BRAP: variants seen among roughly 807,000 people sequenced by gnomAD.
BRAP encodes BRCA1-associated protein.
In BRAP, 42 loss-of-function variants were observed where a neutral mutation model predicts 73.4. That is an observed-to-expected ratio of 0.57 (90% CI 0.45 to 0.74). The LOEUF (loss-of-function observed/expected upper bound fraction) is 0.74, where lower values mean the gene tolerates loss of function less well. Ranked by LOEUF, BRAP falls within the 30% of genes least tolerant of loss-of-function variation. The probability of loss-of-function intolerance (pLI) is 0.00; values close to 1 mark genes in which losing one functional copy is unlikely to be tolerated. For missense variants in BRAP, 593 were observed against 751.4 expected (o/e 0.79, Z 2.46); for synonymous variants, 255 against 267.4 (o/e 0.95, Z 0.45).
In BRAP at chr12:111,685,654, G is replaced by A. The variant is rs1008007167; in HGVS notation, c.82+57C>T. On this transcript the variant is annotated intron_variant, in intron 1 of 11. Coordinates refer to ENST00000419234, the MANE Select transcript of BRAP (RefSeq NM_006768.5). ...TTCCCGGGCCAGTGCTTTGGGAAGG[G>A]AAGCCCTCCGGGCCCAGACCCGGCT... 3 of 1,551,336 alleles carry A rather than the reference G, an allele frequency of 1.9e-6. No individual in the cohort carries two copies. In the African/African-American group the frequency reaches 4.1e-5, roughly 21 times the overall value.
At chr12:111,677,338 T>C (rs1384099878) in intron 4 of BRAP, among the ~76,000 whole-genome samples, 3 of 152,198 alleles carry the variant, frequency 2.0e-5, no homozygotes, top group Non-Finnish European at 4.4e-5. Flanking sequence ...ACTGCTGTCA[T>C]AGAATGTCTC....
intron 1 of BRAP, among the ~76,000 whole-genome samples, chr12:111,684,681 T>G (rs952529645): frequency 1.3e-5 from 2 of 152,118 alleles, no homozygotes; most frequent in African/African-American, 4.8e-5. Context: ...TTTGTTTTTT[T>G]TTTTGAAATG....
intron 1 of BRAP, 98 bp downstream of exon 1, chr12:111,685,613 C>A: frequency 7.0e-7 from 1 of 1,423,162 alleles, no homozygotes; most frequent in Non-Finnish European, 9.2e-7. Context: ...TGGGCAACAG[C>A]CCTCGCCGCG....
At chr12:111,682,900 C>T in intron 2 of BRAP, among the ~76,000 whole-genome samples, 1 of 151,712 alleles carries the variant, frequency 6.6e-6, no homozygotes, top group East Asian at 1.9e-4. Flanking sequence ...CAACAGAGAC[C>T]CTGCCTCAAA....
chr12:111,682,219 C>T (rs116021823), intron 2 of BRAP, among the ~76,000 whole-genome samples: 6 of 152,248 alleles, frequency 3.9e-5, no homozygotes, highest in African/African-American at 1.2e-4. Flanking sequence ...CATCCACTTC[C>T]GCAGATAAAA....
At position 111,675,647 on chromosome 12, in the gene BRAP, C is replaced by G. The variant is rs975028813; in HGVS notation, c.634-2873G>C. Among the ~76,000 whole-genome samples the G allele has an allele frequency of 3.3e-5, 5 of 151,850 alleles. No homozygotes were observed. The South Asian group carries it at 1.0e-3, about 32-fold the overall frequency. On this transcript the variant is annotated intron_variant, in intron 4 of 11. Coordinates refer to ENST00000419234, the MANE Select transcript of BRAP (RefSeq NM_006768.5). ...AAACAGCTTTTATTGAAAATGTTTG[C>G]ATTGTGTGGACCCAAAACTTTAAAT...
rs1477654086 is a variant in BRAP at position 111,658,805 on chromosome 12, T to C, written c.1152A>G (p.Gly384=). Residue 384 remains glycine (G), a synonymous_variant, in exon 9 of 12, where the codon GGA becomes GGG. Coordinates refer to ENST00000419234, the MANE Select transcript of BRAP (RefSeq NM_006768.5). ...VHRLVASKTD[G]KIVQYECEGD... ...CCTCACATTCATACTGTACTATTTT[T>C]CCATCTGTTTTACTTGCAACCAGTC... 12 of 1,612,908 alleles carry C rather than the reference T, an allele frequency of 7.4e-6. No individual in the cohort carries two copies. The highest frequency in any genetic ancestry group is 1.0e-5 in the Non-Finnish European group (12 of 1,179,160).
intron 3 of BRAP, 59 bp from the exon 4 acceptor site, chr12:111,679,399 A>G (rs1201906667): frequency 8.3e-7 from 1 of 1,205,658 alleles, no homozygotes; most frequent in Non-Finnish European, 1.1e-6. Context: ...TTTAAACAAT[A>G]CTAGACAACT....
Position 111,644,441 on chromosome 12 carries a change from TCTC to T in BRAP, c.1534_1536del (p.Glu512del). On this transcript the variant is annotated inframe_deletion, in exon 12 of 12. Coordinates refer to ENST00000419234, the MANE Select transcript of BRAP (RefSeq NM_006768.5). ...TGGTCACAGGTCTCCTTCAGCACCC[TCTC>T]CTCCTCTTTTAGCTTGTTCTGCAGG... is the stretch of plus-strand genomic sequence containing the variant. The T allele has an allele frequency of 6.2e-7, 1 of 1,614,108 alleles. No homozygotes were observed. The highest frequency in any genetic ancestry group is 8.5e-7 in the Non-Finnish European group (1 of 1,180,022).
At chr12:111,676,732 G>C (rs145048982) in intron 4 of BRAP, among the ~76,000 whole-genome samples, 2 of 152,198 alleles carry the variant, frequency 1.3e-5, no homozygotes, top group African/African-American at 2.4e-5. Context: ...GCATCGTTGA[G>C]AGGATTCAAG....
At position 111,681,767 on chromosome 12, in the gene BRAP, C is replaced by T; in HGVS notation, c.313G>A (p.Asp105Asn). Residue 105 changes from aspartate (D) to asparagine (N), a missense_variant, in exon 3 of 12, where the codon GAT (aspartate) becomes AAT (asparagine). Asp to Asn is a conservative substitution (Grantham distance 23). Around this residue, in one of 4 missense-constraint regions of BRAP, gnomAD observed 304 missense variants for 337.7 expected, o/e 0.90. Coordinates refer to ENST00000419234, the MANE Select transcript of BRAP (RefSeq NM_006768.5). ...EASPTAQRSK[D>N]HSKECINAAP... ...GCGTTTATGCATTCCTTACTGTGATCTTTACTTCTTTGCGCAGTGGGGGAG... is the reference window on the plus strand; with the variant it reads ...GCGTTTATGCATTCCTTACTGTGATTTTTACTTCTTTGCGCAGTGGGGGAG... 1.2e-6 allele frequency: 2 copies of T among 1,614,034 alleles called. No individual in the cohort carries two copies. The highest frequency in any genetic ancestry group is 1.7e-6 in the Non-Finnish European group (2 of 1,180,006).
At position 111,665,489 on chromosome 12, in the gene BRAP, G is replaced by C; in HGVS notation, c.896+150C>G. ...AAAAAGGACTTGGTCTCAGAATGCC[G>C]ATTCCCTGAACTTAGGAAAGGGAAG... On this transcript the variant is annotated intron_variant, in intron 6 of 11. Coordinates refer to ENST00000419234, the MANE Select transcript of BRAP (RefSeq NM_006768.5). The surrounding 1 kb of genome is among the most constrained non-coding windows in gnomAD (Gnocchi z 4.3). The C allele has an allele frequency of 8.8e-7, 1 of 1,136,036 alleles. No homozygotes were observed. Among genetic ancestry groups the C allele is most frequent in the South Asian group, 1.8e-5 (1 of 56,108 alleles). 70.4% of individuals were successfully genotyped at this position (1,136,036 alleles called of 1,614,324 possible).
At chr12:111,685,204 G>T (rs1004031618) in intron 1 of BRAP, among the ~76,000 whole-genome samples, 1 of 152,216 alleles carries the variant, frequency 6.6e-6, no homozygotes, top group Non-Finnish European at 1.5e-5. Flanking sequence ...ACATCCATCT[G>T]CCTCTTAGGG....
chr12:111,648,191 G>A (rs1407228537), intron 11 of BRAP, among the ~76,000 whole-genome samples: 2 of 150,994 alleles, frequency 1.3e-5, no homozygotes, highest in Non-Finnish European at 1.5e-5. Flanking sequence ...CTAGCTACTC[G>A]GGAGGCTGAG....
intron 4 of BRAP, among the ~76,000 whole-genome samples, chr12:111,677,769 C>T (rs1887440142): frequency 6.6e-6 from 1 of 152,170 alleles, no homozygotes; most frequent in Non-Finnish European, 1.5e-5. Flanking sequence ...TATTCAAGTG[C>T]TTTTCTGTTC....
At chr12:111,681,524 T>A (rs1426667336) in intron 3 of BRAP, 113 bp downstream of exon 3, 4 of 804,698 alleles carry the variant, frequency 5.0e-6, no homozygotes, top group African/African-American at 1.8e-5. Flanking sequence ...AAAGTATTAT[T>A]ATTTTGAAGC....
intron 2 of BRAP, among the ~76,000 whole-genome samples, chr12:111,682,090 C>T (rs546600273): frequency 7.6e-4 from 116 of 152,298 alleles, no homozygotes; most frequent in Non-Finnish European, 8.5e-4. Context: ...TACCATAATG[C>T]AAGCAGGTAT....
chr12:111,656,610 G>C (rs1415140588), intron 9 of BRAP, among the ~76,000 whole-genome samples: 3 of 152,212 alleles, frequency 2.0e-5, no homozygotes, highest in Non-Finnish European at 4.4e-5. Flanking sequence ...GCAGACTACA[G>C]AGAGGGCAAG....
At chr12:111,676,436 CAG>C (rs1388955733) in intron 4 of BRAP, among the ~76,000 whole-genome samples, 3 of 151,526 alleles carry the variant, frequency 2.0e-5, no homozygotes, top group Non-Finnish European at 2.9e-5. Context: ...TTTTTTGAGA[CAG>C]AGTCTCGCTC....
Sources: gnomAD v4.1 joint callset for allele counts (sites outside exome capture counted in the v4.1 genomes callset) on GRCh38, gnomAD v4.1.1 for gene constraint, gnomAD v4.1.1 regional missense constraint, Gnocchi (gnomAD v3.1) non-coding constraint, MANE v1.5 for transcripts, NCBI Gene and HGNC (gene_info 2026-07-23, HGNC 2026-07-21) for gene names.